TENM4: variants seen among roughly 807,000 people sequenced by gnomAD.
TENM4 encodes the protein teneurin transmembrane protein 4, also known as teneurin-4.
A neutral mutation model predicts 243.3 loss-of-function variants in TENM4; 82 were observed. That is an observed-to-expected ratio of 0.34 (90% CI 0.28 to 0.40). The LOEUF is 0.40. TENM4 is among the 10% of genes least tolerant of loss of function. The pLI, the probability that TENM4 is intolerant of heterozygous loss-of-function variation, is 1.00. For synonymous variants in TENM4, 1,412 were observed against 1,456.3 expected, an observed-to-expected ratio of 0.97 and a Z score of 0.69; for missense variants, 3,138 against 3,673.3, an observed-to-expected ratio of 0.85 and a Z score of 3.77.
chr11:78,745,303 T>C (rs1856025477), intron 19 of TENM4, among the ~76,000 whole-genome samples: 1 of 150,464 alleles, frequency 6.6e-6, no homozygotes, highest in Admixed American at 6.6e-5. Flanking sequence ...CTCGGCTCAC[T>C]GGAACCTCCA....
intron 1 of TENM4, among the ~76,000 whole-genome samples, chr11:79,429,311 C>G (rs989613958): frequency 1.5e-4 from 23 of 152,274 alleles, no homozygotes; most frequent in African/African-American, 5.5e-4. Flanking sequence ...GAACCTCCCT[C>G]TATTCACATC....
chr11:78,830,523 C>T (rs866429676), intron 12 of TENM4, among the ~76,000 whole-genome samples: 1 of 152,202 alleles, frequency 6.6e-6, no homozygotes, highest in African/African-American at 2.4e-5. Context: ...GGAGCAGACT[C>T]CCCCCTGCTG....
intron 6 of TENM4, among the ~76,000 whole-genome samples, chr11:78,925,691 C>T (rs1289853294): frequency 3.3e-5 from 5 of 152,162 alleles, no homozygotes; most frequent in African/African-American, 7.2e-5. Context: ...CCTCCCTGCC[C>T]TTCCATGGCT....
chr11:79,067,987 T>C (rs984621960), intron 5 of TENM4: 1 of 152,224 alleles, frequency 6.6e-6, no homozygotes, highest in African/African-American at 2.4e-5. Flanking sequence ...GCTACGCACA[T>C]GCCTGCCTAT....
chr11:79,418,722 C>T (rs1858869872), intron 1 of TENM4, among the ~76,000 whole-genome samples: 1 of 152,214 alleles, frequency 6.6e-6, no homozygotes, highest in African/African-American at 2.4e-5. Context: ...GCCTGACTGC[C>T]CCCATGCAGA....
At chr11:79,122,383 A>G (rs1454693618) in intron 4 of TENM4, among the ~76,000 whole-genome samples, 1 of 152,218 alleles carries the variant, frequency 6.6e-6, no homozygotes, top group Non-Finnish European at 1.5e-5. Flanking sequence ...CCATTTAAAG[A>G]TTAAAAGGTG....
rs550221318 is a variant in TENM4, at chr11:79,117,462, G to T, written c.-66+31248C>A. ...GACAGAGCCTTGCCTAATAGTAGCTGGGACTGGAAGGGCTATCAGGGGCTG... is the reference window on the plus strand; with the variant it reads ...GACAGAGCCTTGCCTAATAGTAGCTTGGACTGGAAGGGCTATCAGGGGCTG... On this transcript the variant is annotated intron_variant, in intron 4 of 33. Coordinates refer to ENST00000278550, the MANE Select transcript of TENM4 (RefSeq NM_001098816.3). Among the ~76,000 whole-genome samples the T allele has an allele frequency of 3.1e-4, 47 of 152,304 alleles. 1 individual carries two copies. The highest frequency in any genetic ancestry group is 6.8e-3 in the Middle Eastern group (2 of 294).
intron 6 of TENM4, among the ~76,000 whole-genome samples, chr11:78,980,090 T>C (rs558292629): frequency 8.7e-4 from 132 of 152,364 alleles, no homozygotes; most frequent in Non-Finnish European, 1.2e-3. Context: ...TATGATTTTC[T>C]GAAAGAAACT....
intron 6 of TENM4, among the ~76,000 whole-genome samples, chr11:79,036,126 A>T (rs1859372148): frequency 6.6e-6 from 1 of 152,190 alleles, no homozygotes; most frequent in Non-Finnish European, 1.5e-5. Flanking sequence ...GAACTTGTTA[A>T]AAAGCAGAAT....
intron 6 of TENM4, among the ~76,000 whole-genome samples, chr11:78,987,368 G>T (rs1485580621): frequency 2.0e-5 from 3 of 152,132 alleles, no homozygotes; most frequent in Non-Finnish European, 4.4e-5. Context: ...CTTTTTCACA[G>T]ATTCATTCAT....
chr11:78,854,001 C>T (rs919105657), intron 12 of TENM4, 103 bp downstream of exon 12: 1 of 1,192,536 alleles, frequency 8.4e-7, no homozygotes, highest in Non-Finnish European at 1.2e-6. Flanking sequence ...GGGCCATCCA[C>T]AGCTCTGACA....
chr11:78,971,949 C>A (rs564232187), intron 6 of TENM4, among the ~76,000 whole-genome samples: 1 of 152,124 alleles, frequency 6.6e-6, no homozygotes, highest in African/African-American at 2.4e-5. Flanking sequence ...GAGCATGATG[C>A]AAAACTGCGT....
Position 78,963,233 on chromosome 11 carries a change from A to G in TENM4, c.494-59710T>C, listed in dbSNP as rs866258433. Among the ~76,000 whole-genome samples, 3 of 152,340 alleles carry G rather than the reference A, an allele frequency of 2.0e-5. No homozygotes were observed. In the South Asian group the frequency reaches 6.2e-4, roughly 32 times the overall value. On this transcript the variant is annotated intron_variant, in intron 6 of 33. Transcript: ENST00000278550. ...TCAGTCAGTCTGACCCCAAGTTTCT[A>G]TCATGCCACGGTTCTAAAACCCCAG...
intron 12 of TENM4, among the ~76,000 whole-genome samples, chr11:78,832,391 C>T (rs970104281): frequency 6.6e-6 from 1 of 152,260 alleles, no homozygotes; most frequent in Non-Finnish European, 1.5e-5. Flanking sequence ...GGACCTCAGA[C>T]TTGCACTGCC....
At chr11:79,178,727 T>C (rs1414494121) in intron 3 of TENM4, among the ~76,000 whole-genome samples, 3 of 152,140 alleles carry the variant, frequency 2.0e-5, no homozygotes, top group Non-Finnish European at 4.4e-5. Flanking sequence ...CCACCTCTCA[T>C]TCACTTCTGT....
At chr11:79,391,850 A>T (rs1590932821) in intron 1 of TENM4, among the ~76,000 whole-genome samples, 1 of 152,234 alleles carries the variant, frequency 6.6e-6, no homozygotes, top group Non-Finnish European at 1.5e-5. Context: ...TGGACTGTGG[A>T]CATGCATTTA....
chr11:79,413,863 G>T (rs1017395804), intron 1 of TENM4, among the ~76,000 whole-genome samples: 4 of 151,502 alleles, frequency 2.6e-5, no homozygotes, highest in Admixed American at 1.3e-4. Flanking sequence ...AATCATGTCT[G>T]CAAAAAAAAG....
chr11:78,850,852 T>C (rs184528228), intron 12 of TENM4, among the ~76,000 whole-genome samples: 2 of 152,264 alleles, frequency 1.3e-5, no homozygotes, highest in Admixed American at 1.3e-4. Flanking sequence ...ACAAGAAGAA[T>C]GAGGCTCAGA....
At chr11:79,283,872 G>C (rs1856202534) in intron 2 of TENM4, among the ~76,000 whole-genome samples, 1 of 152,100 alleles carries the variant, frequency 6.6e-6, no homozygotes, top group Admixed American at 6.6e-5. Context: ...AAGGATACCA[G>C]ATCAATGTAC....
Sources: allele counts gnomAD v4.1 joint callset (sites outside exome capture counted in the v4.1 genomes callset), GRCh38; gene constraint gnomAD v4.1.1; transcripts MANE v1.5; gene names NCBI Gene and HGNC (gene_info 2026-07-23, HGNC 2026-07-21).